Variants in ADGRL4 observed in about 807,000 individuals in gnomAD.
The protein encoded by ADGRL4 is EGF, latrophilin and seven transmembrane domain containing 1.
In ADGRL4, 90 loss-of-function variants were observed where a neutral mutation model predicts 74.8. The ratio of observed to expected loss-of-function variants is 1.20; its 90% CI spans 1.02 to 1.43. The LOEUF is 1.43. ADGRL4 is among the 40% of genes most tolerant of loss of function. The probability of loss-of-function intolerance (pLI) is 0.00; values close to 1 mark genes in which losing one functional copy is unlikely to be tolerated. For missense variants in ADGRL4, 881 were observed against 814.3 expected (o/e 1.08, Z -1.00); for synonymous variants, 311 against 279.2 (o/e 1.11, Z -1.14).
intron 12 of ADGRL4, among the ~76,000 whole-genome samples, chr1:78,895,712 A>T (rs994517512): frequency 2.6e-5 from 4 of 152,056 alleles, no homozygotes; most frequent in Non-Finnish European, 5.9e-5. Context: ...TGGCTGGAGT[A>T]TAGTAAGCAA....
chr1:78,891,440 C>G (rs1244018761), intron 14 of ADGRL4, 84 bp downstream of exon 14: 1 of 1,420,938 alleles, frequency 7.0e-7, no homozygotes, highest in East Asian at 2.4e-5. Context: ...AGTCATAAAT[C>G]TATGAGAGTA....
intron 2 of ADGRL4, among the ~76,000 whole-genome samples, chr1:78,971,273 C>T (rs1242372405): frequency 6.6e-6 from 1 of 152,044 alleles, no homozygotes; most frequent in Non-Finnish European, 1.5e-5. Context: ...GTTAGATATA[C>T]TTCTTTTTTT....
chr1:78,929,572 A>G (rs1166828834), intron 7 of ADGRL4, among the ~76,000 whole-genome samples: 1 of 151,466 alleles, frequency 6.6e-6, no homozygotes, highest in Non-Finnish European at 1.5e-5. Flanking sequence ...TTTCCTACCA[A>G]TGGTACTGTT....
rs10647389 is a variant in ADGRL4, at chr1:78,952,328, C to CTTTTTT, written c.173-5908_173-5903dup. ...GTCAAAGGTGGAGTAACATAGAAAG[C>CTTTTTT]TTTTTTTTTTTTTTTTTCCTCTTTT... On this transcript the variant is annotated intron_variant, in intron 2 of 14. Coordinates refer to ENST00000370742, the MANE Select transcript of ADGRL4 (RefSeq NM_022159.4). 6.3e-4 allele frequency among the ~76,000 whole-genome samples: 76 copies of CTTTTTT among 119,690 alleles called. 3 individuals are homozygous for CTTTTTT. The highest frequency in any genetic ancestry group is 2.1e-3 in the East Asian group (8 of 3,810). The allele number at this position is 119,690 out of a possible 152,430, so 78.5% of individuals were successfully genotyped here.
chr1:78,987,410 T>C (rs545791229), intron 2 of ADGRL4, among the ~76,000 whole-genome samples: 8 of 151,818 alleles, frequency 5.3e-5, no homozygotes, highest in African/African-American at 1.7e-4. Flanking sequence ...AAATATAAAA[T>C]AAACAAATGT....
chr1:78,946,172 A>G, intron 3 of ADGRL4, 102 bp downstream of exon 3: 1 of 775,260 alleles, frequency 1.3e-6, no homozygotes, highest in Non-Finnish European at 1.9e-6. Context: ...CACGTAGGGT[A>G]CGATCAAGGT....
Position 78,946,394 on chromosome 1 carries a change from AG to A in ADGRL4, c.204del (p.Cys69ValfsTer40). ...DDNECGNLTQ[S>X]CGENANCTNT... ...TTAGTGCAATTAGCATTTTCGCCAC[AG>A]GACTGAGTTAAATTTCCACATTCAT... On this transcript the variant is annotated frameshift_variant, in exon 3 of 15. Coordinates refer to ENST00000370742, the MANE Select transcript of ADGRL4 (RefSeq NM_022159.4). LOFTEE classifies it high-confidence loss of function. 6 of 1,612,270 alleles carry A rather than the reference AG, an allele frequency of 3.7e-6. No homozygotes were observed. The highest frequency in any genetic ancestry group is 4.2e-6 in the Non-Finnish European group (5 of 1,179,180).
chr1:78,983,849 G>A (rs1650442773), intron 2 of ADGRL4, among the ~76,000 whole-genome samples: 1 of 151,662 alleles, frequency 6.6e-6, no homozygotes, highest in African/African-American at 2.4e-5. Flanking sequence ...GATACATGAG[G>A]ACACTTTAAA....
intron 2 of ADGRL4, among the ~76,000 whole-genome samples, chr1:79,001,878 T>C (rs576649699): frequency 6.6e-6 from 1 of 152,268 alleles, no homozygotes; most frequent in East Asian, 1.9e-4. Flanking sequence ...AGGAAAAAGC[T>C]TGGTCTCTTC....
chr1:78,915,615 T>C (rs1648854155), intron 12 of ADGRL4, among the ~76,000 whole-genome samples: 1 of 151,878 alleles, frequency 6.6e-6, no homozygotes, highest in Non-Finnish European at 1.5e-5. Context: ...TCCAGTCCTC[T>C]CACGGGGCTA....
At chr1:78,952,664 T>C (rs1336659625) in intron 2 of ADGRL4, among the ~76,000 whole-genome samples, 1 of 152,094 alleles carries the variant, frequency 6.6e-6, no homozygotes. Flanking sequence ...GACCATGAAC[T>C]CAAGTTCAAT....
chr1:78,899,275 A>G (rs1648468009), intron 12 of ADGRL4, among the ~76,000 whole-genome samples: 2 of 152,188 alleles, frequency 1.3e-5, no homozygotes, highest in Non-Finnish European at 2.9e-5. Context: ...ATGGGTTTCT[A>G]CTGACTGGCC....
intron 2 of ADGRL4, among the ~76,000 whole-genome samples, chr1:78,947,424 A>G (rs577741115): frequency 2.6e-5 from 4 of 152,330 alleles, no homozygotes; most frequent in African/African-American, 9.6e-5. Flanking sequence ...CCAAAGAATG[A>G]CAAGGATAGC....
At chr1:79,004,043 C>T (rs1010869777) in intron 2 of ADGRL4, among the ~76,000 whole-genome samples, 7 of 152,024 alleles carry the variant, frequency 4.6e-5, no homozygotes, top group South Asian at 2.1e-4. Context: ...TTACTAAACA[C>T]GGCATATTTA....
At chr1:78,896,214 G>A (rs1648395387) in intron 12 of ADGRL4, among the ~76,000 whole-genome samples, 1 of 151,996 alleles carries the variant, frequency 6.6e-6, no homozygotes, top group South Asian at 2.1e-4. Context: ...TTCCTATGCT[G>A]TTTTTCTCTA....
At chr1:79,001,267 A>G (rs1419843491) in intron 2 of ADGRL4, among the ~76,000 whole-genome samples, 1 of 150,552 alleles carries the variant, frequency 6.6e-6, no homozygotes, top group Non-Finnish European at 1.5e-5. Flanking sequence ...TGAATGAATT[A>G]TGAATGCTGG....
chr1:78,938,775 G>A (rs1185875400), intron 4 of ADGRL4, among the ~76,000 whole-genome samples: 2 of 151,900 alleles, frequency 1.3e-5, no homozygotes, highest in Non-Finnish European at 2.9e-5. Context: ...TCAATCATAC[G>A]ACAATTATTT....
intron 8 of ADGRL4, among the ~76,000 whole-genome samples, chr1:78,925,981 C>T (rs1400923517): frequency 3.9e-5 from 6 of 152,006 alleles, no homozygotes; most frequent in Non-Finnish European, 4.4e-5. Flanking sequence ...TTCTTTTTCC[C>T]TCAACATAGT....
intron 12 of ADGRL4, among the ~76,000 whole-genome samples, chr1:78,903,711 G>A (rs182879628): frequency 6.0e-4 from 91 of 152,048 alleles, no homozygotes; most frequent in Non-Finnish European, 8.4e-4. Context: ...CGAGGAGGGT[G>A]GATCACGAGG....
Sources: allele counts gnomAD v4.1 joint callset (sites outside exome capture counted in the v4.1 genomes callset), GRCh38; gene constraint gnomAD v4.1.1; transcripts MANE v1.5; gene names NCBI Gene and HGNC (gene_info 2026-07-23, HGNC 2026-07-21).